Variants in SIRT4 observed in about 807,000 individuals in gnomAD.
SIRT4 encodes NAD-dependent protein lipoamidase sirtuin-4, mitochondrial.
SIRT4 carries 23 observed loss-of-function variants against 26.1 expected under a neutral mutation model. The observed-to-expected ratio is 0.88, with a 90% confidence interval of 0.63 to 1.25. SIRT4 has a LOEUF of 1.25. SIRT4 is among the 50% of genes most tolerant of loss of function. The pLI is 0.00. For missense variants in SIRT4, 361 were observed against 405.4 expected (o/e 0.89, Z 0.94); for synonymous variants, 155 against 158.4 (o/e 0.98, Z 0.16).
chr12:120,311,735 C>CAAAAA (rs10612543), intron 2 of SIRT4, among the ~76,000 whole-genome samples: 1 of 55,108 alleles, frequency 1.8e-5, no homozygotes, highest in African/African-American at 8.3e-5. Context: ...AACTTGCTCT[C>CAAAAA]AAAAAAAAAA....
chr12:120,294,446 G>A, the SIRT4 span, among the ~76,000 whole-genome samples: 2 of 151,218 alleles, frequency 1.3e-5, no homozygotes, highest in African/African-American at 4.9e-5. Context: ...TAGTAGACAC[G>A]GGGTTTCACC....
chr12:120,306,274 G>A (rs1460565617), intron 2 of SIRT4, among the ~76,000 whole-genome samples: 3 of 151,862 alleles, frequency 2.0e-5, no homozygotes, highest in Non-Finnish European at 2.9e-5. Context: ...TCAGGAGTTC[G>A]AGACCAGCCT....
At position 120,310,567 on chromosome 12, in the gene SIRT4, A is replaced by G. The variant is rs372882512; in HGVS notation, c.498-1889A>G. Among the ~76,000 whole-genome samples, 6 of 152,014 alleles carry G rather than the reference A, an allele frequency of 3.9e-5. No individual in the cohort carries two copies. The East Asian group carries it at 9.8e-4, about 25-fold the overall frequency. On this transcript the variant is annotated intron_variant, in intron 2 of 3. Coordinates refer to ENST00000202967, the MANE Select transcript of SIRT4 (RefSeq NM_012240.3). ...AATCAACATAATCTGATGGCTGACT[A>G]GAACTAAAAGGAGAAAAATGAGGCT... is the stretch of plus-strand genomic sequence containing the variant.
the SIRT4 span, chr12:120,293,179 A>AGCAATAATCGC: frequency 6.6e-6 from 1 of 152,194 alleles, no homozygotes; most frequent in Non-Finnish European, 1.5e-5. Context: ...GTTTTCAATT[A>AGCAATAATCGC]GCAATAATCG....
chr12:120,302,438 T>G (rs534247577), intron 1 of SIRT4, 60 bp downstream of exon 1: 1 of 152,402 alleles, frequency 6.6e-6, no homozygotes, highest in East Asian at 1.9e-4. Context: ...TGTGAGGGAT[T>G]CTATTTCTCC....
chr12:120,301,865 G>C (rs1489340130), upstream of SIRT4, among the ~76,000 whole-genome samples: 1 of 152,078 alleles, frequency 6.6e-6, no homozygotes, highest in Non-Finnish European at 1.5e-5. Flanking sequence ...CCTGAGGTTA[G>C]GAGTTCAAGA....
intron 2 of SIRT4, among the ~76,000 whole-genome samples, chr12:120,307,997 C>T (rs1288149710): frequency 6.6e-6 from 1 of 151,734 alleles, no homozygotes; most frequent in Non-Finnish European, 1.5e-5. Flanking sequence ...TTGGAATAAT[C>T]AGTTGAGAAA....
chr12:120,308,165 CTTTTT>C (rs10707396), intron 2 of SIRT4, among the ~76,000 whole-genome samples: 1 of 85,006 alleles, frequency 1.2e-5, no homozygotes, highest in Admixed American at 1.4e-4. Flanking sequence ...CCCAAGAAAG[CTTTTT>C]TTTTTTTTTT....
chr12:120,292,433 G>T, the SIRT4 span, among the ~76,000 whole-genome samples: 112,801 of 151,858 alleles, frequency 0.74, 42,327 homozygotes, highest in East Asian at 0.98. Flanking sequence ...AAACGGGGTC[G>T]CTACTAAAAA....
chr12:120,311,454 A>G (rs2701643), intron 2 of SIRT4, among the ~76,000 whole-genome samples: 13,324 of 149,752 alleles, frequency 0.089, 751 homozygotes, highest in Admixed American at 0.16. Flanking sequence ...AAGGGGGGCC[A>G]GGTGCAGTGG....
chr12:120,310,860 C>T (rs1490223254), intron 2 of SIRT4, among the ~76,000 whole-genome samples: 8 of 151,246 alleles, frequency 5.3e-5, no homozygotes, highest in African/African-American at 9.7e-5. Context: ...CTCAGCCTCC[C>T]GAGTAGCTGG....
Position 120,303,768 on chromosome 12 carries a change from G to A in SIRT4, c.207G>A (p.Ser69=), listed in dbSNP as rs769632132. ...CTGGGGCAGGAATCTCCACCGAATC[G>A]GGGATACCAGACTACAGGTCAGAAA... The part of the protein sequence containing the change: ...VMTGAGISTE[S]GIPDYRSEKV... The change falls in exon 2 of 4, where the codon TCG becomes TCA. Residue 69 remains serine, a synonymous_variant. Coordinates refer to ENST00000202967, the MANE Select transcript of SIRT4 (RefSeq NM_012240.3). 1.9e-5 allele frequency: 31 copies of A among 1,613,948 alleles called. 1 individual carries two copies. The highest frequency in any genetic ancestry group is 1.1e-4 in the East Asian group (5 of 44,892).
chr12:120,306,250 C>T (rs1457246931), intron 2 of SIRT4, among the ~76,000 whole-genome samples: 6 of 151,824 alleles, frequency 4.0e-5, no homozygotes, highest in African/African-American at 1.4e-4. Flanking sequence ...CTGAGTTGGG[C>T]GGATCACCTG....
chr12:120,303,003 G>A (rs1872602020), intron 1 of SIRT4, among the ~76,000 whole-genome samples: 1 of 151,758 alleles, frequency 6.6e-6, no homozygotes, highest in Non-Finnish European at 1.5e-5. Context: ...GATTTCAGAC[G>A]TGAGCCACCG....
the SIRT4 span, among the ~76,000 whole-genome samples, chr12:120,292,745 A>G: frequency 2.9e-5 from 4 of 139,506 alleles, no homozygotes; most frequent in East Asian, 9.0e-4. Context: ...GGGGTTCGGC[A>G]AAGTTTGCAG....
In SIRT4 at chr12:120,304,057, A is replaced by G. The variant is rs771611985; in HGVS notation, c.496A>G (p.Arg166Gly). The G allele has an allele frequency of 1.9e-6, 3 of 1,605,854 alleles. No individual in the cohort carries two copies. The Middle Eastern group carries it at 5.0e-4, about 265-fold the overall frequency. ...GACAGAGCTCCACGGATGCATGGAC[A>G]GGTGCAGGAGCTGTACACGGTTTGA... Reference protein sequence around the residue: ...RLTELHGCMDRVLCLDCGEQT... With the variant: ...RLTELHGCMDGVLCLDCGEQT... Residue 166 changes from arginine to glycine, a missense_variant and splice_region_variant, in exon 2 of 4, where the codon AGG becomes GGG. By Grantham distance (125) the Arg-to-Gly change is moderately radical. Coordinates refer to ENST00000202967, the MANE Select transcript of SIRT4 (RefSeq NM_012240.3).
chr12:120,299,246 TACAATA>T (rs1380729780), upstream of SIRT4, among the ~76,000 whole-genome samples: 1 of 146,142 alleles, frequency 6.8e-6, no homozygotes, highest in African/African-American at 2.5e-5. Context: ...AATAAATAAA[TACAATA>T]ATAATAATAA....
intron 2 of SIRT4, among the ~76,000 whole-genome samples, chr12:120,306,333 G>T (rs1225798535): frequency 6.6e-6 from 1 of 151,408 alleles, no homozygotes; most frequent in Non-Finnish European, 1.5e-5. Context: ...AAATTAGCTG[G>T]GCGTGGTGGT....
chr12:120,304,781 C>T (rs1872673452), intron 2 of SIRT4, among the ~76,000 whole-genome samples: 1 of 143,732 alleles, frequency 7.0e-6, no homozygotes. Flanking sequence ...GAGACTCTGT[C>T]TCTATATAAG....
Sources: allele counts gnomAD v4.1 joint callset (sites outside exome capture counted in the v4.1 genomes callset), GRCh38; gene constraint gnomAD v4.1.1; transcripts MANE v1.5; gene names NCBI Gene and HGNC (gene_info 2026-07-23, HGNC 2026-07-21).